SUGCT: variants seen among roughly 807,000 people sequenced by gnomAD.
SUGCT encodes succinyl-CoA:glutarate CoA-transferase.
SUGCT carries 41 observed loss-of-function variants against 55.0 expected under a neutral mutation model. The ratio of observed to expected loss-of-function variants is 0.74; its 90% CI spans 0.58 to 0.97. The LOEUF is 0.97. Ranked by LOEUF, SUGCT falls within the 50% of genes least tolerant of loss-of-function variation. The pLI, the probability that SUGCT is intolerant of heterozygous loss-of-function variation, is 0.00. For synonymous variants in SUGCT, 187 were observed against 200.4 expected (o/e 0.93, Z 0.56); for missense variants, 568 against 547.8 (o/e 1.04, Z -0.37).
chr7:40,867,335 A>G, the SUGCT span, among the ~76,000 whole-genome samples: 1 of 143,580 alleles, frequency 7.0e-6, no homozygotes, highest in South Asian at 2.2e-4. Context: ...ATATATGTGT[A>G]TATATATGCT....
intron 12 of SUGCT, among the ~76,000 whole-genome samples, chr7:40,626,196 T>TC (rs1272174652): frequency 6.6e-6 from 1 of 152,024 alleles, no homozygotes; most frequent in Admixed American, 6.6e-5. Flanking sequence ...TCAGGAAGCT[T>TC]CCCCCAGACT....
the SUGCT span, among the ~76,000 whole-genome samples, chr7:40,974,186 T>G: frequency 4.4e-4 from 67 of 152,192 alleles, no homozygotes; most frequent in African/African-American, 6.5e-4. Context: ...TCTTGTGGTG[T>G]TGTTCACATA....
intron 6 of SUGCT, among the ~76,000 whole-genome samples, chr7:40,228,366 T>C (rs1458797544): frequency 6.6e-6 from 1 of 152,220 alleles, no homozygotes; most frequent in East Asian, 1.9e-4. Flanking sequence ...TCCTTCTCAG[T>C]CTTTTTTCTT....
chr7:40,813,939 C>T (rs917731245), intron 13 of SUGCT, among the ~76,000 whole-genome samples: 8 of 152,134 alleles, frequency 5.3e-5, no homozygotes, highest in African/African-American at 1.9e-4. Flanking sequence ...TTAGCATTTG[C>T]TTGCCCGGAA....
intron 12 of SUGCT, among the ~76,000 whole-genome samples, chr7:40,708,844 T>C (rs1785558183): frequency 6.6e-6 from 1 of 152,172 alleles, no homozygotes; most frequent in Admixed American, 6.6e-5. Flanking sequence ...TCCATAGTAT[T>C]TCTCACCTCT....
chr7:40,594,965 C>T (rs1797924875), intron 12 of SUGCT, among the ~76,000 whole-genome samples: 2 of 152,128 alleles, frequency 1.3e-5, no homozygotes, highest in Admixed American at 1.3e-4. Flanking sequence ...GGCAAAGTCT[C>T]CTTTTTTCTG....
rs150229104 is a variant in SUGCT, at chr7:40,466,529, C to T, written c.986+7331C>T. On this transcript the variant is annotated intron_variant, in intron 11 of 13. Coordinates refer to ENST00000335693, the MANE Select transcript of SUGCT (RefSeq NM_001193313.2). ...CTCAACTTTCATCAGTCATTTACTTCTCTTCCTCCTTGACAAGACAGTGAA... is the reference window on the plus strand; with the variant it reads ...CTCAACTTTCATCAGTCATTTACTTTTCTTCCTCCTTGACAAGACAGTGAA... 2.2e-3 allele frequency among the ~76,000 whole-genome samples: 334 copies of T among 152,354 alleles called. No individual in the cohort carries two copies. In the Middle Eastern group the frequency reaches 0.027, roughly 12 times the overall value.
the SUGCT span, among the ~76,000 whole-genome samples, chr7:41,018,547 A>G: frequency 1.3e-5 from 2 of 152,164 alleles, no homozygotes; most frequent in African/African-American, 4.8e-5. Flanking sequence ...TGACAATTAC[A>G]CAGCACTGGA....
intron 4 of SUGCT, among the ~76,000 whole-genome samples, 192 bp from the exon 5 acceptor site, chr7:40,189,348 TAAAA>T (rs1444536295): frequency 7.0e-6 from 1 of 142,400 alleles, no homozygotes; most frequent in African/African-American, 2.6e-5. Flanking sequence ...TCTCAAAAAG[TAAAA>T]AAAGAAAAAA....
At chr7:40,388,499 TC>T (rs1378207808) in intron 9 of SUGCT, among the ~76,000 whole-genome samples, 9 of 152,136 alleles carry the variant, frequency 5.9e-5, no homozygotes, top group Non-Finnish European at 1.3e-4. Flanking sequence ...CACTGCAACC[TC>T]CACCACCCAG....
chr7:40,392,587 T>A (rs767198621), intron 9 of SUGCT, among the ~76,000 whole-genome samples: 4 of 152,118 alleles, frequency 2.6e-5, no homozygotes, highest in Non-Finnish European at 5.9e-5. Context: ...TTTGAGAATC[T>A]GTGTTAAAAA....
At chr7:40,521,584 G>C (rs931578762) in intron 12 of SUGCT, among the ~76,000 whole-genome samples, 6 of 152,126 alleles carry the variant, frequency 3.9e-5, no homozygotes, top group Admixed American at 2.0e-4. Flanking sequence ...AGTAGTGACA[G>C]CCTCATGAAC....
chr7:40,450,121 T>C (rs1346647079), intron 10 of SUGCT, among the ~76,000 whole-genome samples: 2 of 152,078 alleles, frequency 1.3e-5, no homozygotes, highest in Non-Finnish European at 2.9e-5. Flanking sequence ...AGAGATGTGG[T>C]TTCACTATGC....
At chr7:40,699,746 G>A (rs1785096526) in intron 12 of SUGCT, among the ~76,000 whole-genome samples, 1 of 152,076 alleles carries the variant, frequency 6.6e-6, no homozygotes, top group African/African-American at 2.4e-5. Context: ...GTGCACATCT[G>A]TAATCCCAGC....
At chr7:40,204,047 G>A (rs955108031) in intron 6 of SUGCT, among the ~76,000 whole-genome samples, 1 of 151,690 alleles carries the variant, frequency 6.6e-6, no homozygotes, top group Non-Finnish European at 1.5e-5. Context: ...GGAGTGCAGT[G>A]GCATGATCAT....
chr7:41,000,951 T>A, the SUGCT span, among the ~76,000 whole-genome samples: 1 of 151,948 alleles, frequency 6.6e-6, no homozygotes, highest in East Asian at 1.9e-4. Context: ...TAAGAAAAAA[T>A]TAAAAAACTG....
intron 7 of SUGCT, among the ~76,000 whole-genome samples, chr7:40,246,902 T>C (rs1252395351): frequency 6.6e-6 from 1 of 152,166 alleles, no homozygotes. Flanking sequence ...CTTGGACTAA[T>C]TGAAGGCTTG....
intron 1 of SUGCT, among the ~76,000 whole-genome samples, chr7:40,168,178 AG>A (rs1160653317): frequency 6.6e-6 from 1 of 152,162 alleles, no homozygotes; most frequent in Non-Finnish European, 1.5e-5. Flanking sequence ...AGCTAGTCTT[AG>A]GAATTCTTAG....
rs185900194 is a variant in SUGCT at position 40,148,868 on chromosome 7, T to C, written c.100+13748T>C. On this transcript the variant is annotated intron_variant, in intron 1 of 13. Coordinates refer to ENST00000335693, the MANE Select transcript of SUGCT (RefSeq NM_001193313.2). ...ATGGAGATTAACTGGTAAATAGTTC[T>C]CTTTAGAATTTGAATGAGTCTGAGA... 2.6e-5 allele frequency among the ~76,000 whole-genome samples: 4 copies of C among 152,334 alleles called. No homozygotes were observed. In the East Asian group the frequency reaches 5.8e-4, roughly 22 times the overall value.
Sources: gnomAD v4.1 joint callset for allele counts (sites outside exome capture counted in the v4.1 genomes callset) on GRCh38, gnomAD v4.1.1 for gene constraint, MANE v1.5 for transcripts, NCBI Gene and HGNC (gene_info 2026-07-23, HGNC 2026-07-21) for gene names.